Variants in STK33 observed in about 807,000 individuals in gnomAD.
The protein encoded by STK33 is serine/threonine-protein kinase 33.
A neutral mutation model predicts 58.0 loss-of-function variants in STK33; 52 were observed. The observed-to-expected ratio is 0.90, with a 90% CI of 0.72 to 1.13. STK33 has a LOEUF of 1.13. Among genes scored for constraint, STK33 ranks in the 50% most tolerant of loss-of-function variants. STK33 has a pLI of 0.00. For missense variants in STK33, 630 were observed against 604.2 expected (o/e 1.04, Z -0.45); for synonymous variants, 215 against 200.1 (o/e 1.07, Z -0.63).
chr11:8,466,890 C>T (rs967832368), intron 6 of STK33: 4 of 152,378 alleles, frequency 2.6e-5, no homozygotes, highest in African/African-American at 9.6e-5. Context: ...TCTGTGCACT[C>T]GCAGACTCAA....
chr11:8,402,615 T>A (rs1158535633), intron 15 of STK33, among the ~76,000 whole-genome samples: 1 of 144,496 alleles, frequency 6.9e-6, no homozygotes, highest in African/African-American at 2.7e-5. Context: ...TAAATTATAA[T>A]AATAAAAAAA....
chr11:8,414,809 T>C (rs1940879656), intron 14 of STK33, among the ~76,000 whole-genome samples: 1 of 152,180 alleles, frequency 6.6e-6, no homozygotes, highest in Non-Finnish European at 1.5e-5. Flanking sequence ...GTTTGTCCCT[T>C]ACCTACTTAC....
chr11:8,354,472 C>CCACACA, the STK33 span, among the ~76,000 whole-genome samples: 112 of 56,056 alleles, frequency 2.0e-3, 1 homozygote, highest in African/African-American at 6.8e-3. Context: ...GTCTGCAAAA[C>CCACACA]CTCACACACA....
chr11:8,361,277 G>A, the STK33 span, among the ~76,000 whole-genome samples: 2 of 152,208 alleles, frequency 1.3e-5, no homozygotes, highest in Middle Eastern at 3.4e-3. This position sits in a 1 kb window ranked among gnomAD's most constrained non-coding sequence, Gnocchi z 4.8. Context: ...GATGGTCCGG[G>A]ACAACCACCC....
At chr11:8,508,527 CT>C (rs1565222592) in intron 1 of STK33, among the ~76,000 whole-genome samples, 2 of 152,094 alleles carry the variant, frequency 1.3e-5, no homozygotes, top group African/African-American at 4.8e-5. Context: ...CCACCTTGGC[CT>C]CCCAAAGCAT....
At chr11:8,445,168 G>A (rs1032715260) in intron 11 of STK33, among the ~76,000 whole-genome samples, 3 of 152,010 alleles carry the variant, frequency 2.0e-5, no homozygotes, top group South Asian at 4.2e-4. Flanking sequence ...GAGTTCCCTC[G>A]ATTTGGCTCT....
intron 1 of STK33, among the ~76,000 whole-genome samples, chr11:8,526,969 CTCTT>C (rs1418843756): frequency 3.8e-5 from 5 of 130,692 alleles, no homozygotes; most frequent in African/African-American, 1.2e-4. Context: ...CAGAGATTTC[CTCTT>C]TTTTTTTTTT....
At chr11:8,396,606 C>T (rs945054055) in intron 15 of STK33, among the ~76,000 whole-genome samples, 14 of 152,168 alleles carry the variant, frequency 9.2e-5, no homozygotes, top group Non-Finnish European at 8.8e-5. Flanking sequence ...GTTCATCTCA[C>T]TGGGGAGTGT....
Position 8,565,267 on chromosome 11 carries a change from A to C in STK33, c.-466+28816T>G, listed in dbSNP as rs1234542126. On this transcript the variant is annotated intron_variant, in intron 1 of 15. Transcript: ENST00000687296. Reference sequence around the variant, plus strand: ...ACCATGATTTATAGTCAAAGGTTAAAAAACTTCACATTTTTAACAAAAATA... The same window carrying C: ...ACCATGATTTATAGTCAAAGGTTAACAAACTTCACATTTTTAACAAAAATA... Among the ~76,000 whole-genome samples the C allele has an allele frequency of 2.6e-5, 4 of 152,240 alleles. No homozygotes were observed. In the East Asian group the frequency reaches 7.7e-4, roughly 29 times the overall value.
intron 1 of STK33, among the ~76,000 whole-genome samples, chr11:8,544,352 T>C (rs117012527): frequency 0.052 from 7,711 of 147,738 alleles, 264 homozygotes; most frequent in Non-Finnish European, 0.071. Flanking sequence ...TATATATAAT[T>C]ATATATATGT....
At chr11:8,390,808 T>C (rs1003164496), downstream of STK33, among the ~76,000 whole-genome samples, 1 of 152,250 alleles carries the variant, frequency 6.6e-6, no homozygotes, top group African/African-American at 2.4e-5. Context: ...TCAAGCTTAC[T>C]GAGCAGAATC....
intron 1 of STK33, among the ~76,000 whole-genome samples, chr11:8,572,074 A>G (rs1459752714): frequency 6.6e-6 from 1 of 150,702 alleles, no homozygotes; most frequent in South Asian, 2.1e-4. Flanking sequence ...TTAAAAATTA[A>G]TTTTAAAAAA....
intron 1 of STK33, among the ~76,000 whole-genome samples, chr11:8,552,518 A>C (rs1254565407): frequency 6.6e-6 from 1 of 152,108 alleles, no homozygotes; most frequent in East Asian, 1.9e-4. Context: ...AGCTTTACAA[A>C]AATATTTTAT....
chr11:8,351,172 C>T, the STK33 span, among the ~76,000 whole-genome samples: 1 of 152,140 alleles, frequency 6.6e-6, no homozygotes, highest in Non-Finnish European at 1.5e-5. Flanking sequence ...AACCAAACGC[C>T]AATTCTATTC....
In STK33 at chr11:8,462,023, T is replaced by C. The variant is rs1591266745; in HGVS notation, c.454-114A>G. 5 of 668,634 alleles carry C rather than the reference T, an allele frequency of 7.5e-6. No homozygotes were observed. In the South Asian group the frequency reaches 1.4e-4, roughly 19 times the overall value. The allele number at this position is 668,634 out of a possible 1,614,324, so 41.4% of individuals were successfully genotyped here. A position where few individuals can be genotyped will look rare whatever the true frequency, so the allele number is the denominator to read the frequency against. The stretch of plus-strand genomic sequence containing the variant: ...TTTTCCTGTAACTTCATATTTGAAG[T>C]GAATTCATACATTTTTTGAGATGTT... On this transcript the variant is annotated intron_variant, in intron 7 of 15. Transcript: ENST00000687296.
chr11:8,357,238 AGC>A, the STK33 span, among the ~76,000 whole-genome samples: 3 of 152,172 alleles, frequency 2.0e-5, no homozygotes, highest in Admixed American at 2.0e-4. Context: ...CCTAATTAGC[AGC>A]GCGCGGCGCG....
chr11:8,502,050 G>A (rs752554542), intron 1 of STK33, among the ~76,000 whole-genome samples: 71 of 140,612 alleles, frequency 5.0e-4, no homozygotes, highest in Non-Finnish European at 1.0e-3. Flanking sequence ...TAGGTATGAG[G>A]TTTCTTCGTG....
intron 14 of STK33, among the ~76,000 whole-genome samples, chr11:8,414,598 T>C (rs1940841330): frequency 6.6e-6 from 1 of 152,146 alleles, no homozygotes; most frequent in Non-Finnish European, 1.5e-5. Context: ...CCCATCTGAA[T>C]ACACTGTTGA....
intron 11 of STK33, 36 bp from the exon 12 acceptor site, chr11:8,440,789 T>A: frequency 6.5e-7 from 1 of 1,529,856 alleles, no homozygotes; most frequent in Non-Finnish European, 8.8e-7. Flanking sequence ...ACATTAATAA[T>A]ACAATAAATG....
Sources: gnomAD v4.1 joint callset for allele counts (sites outside exome capture counted in the v4.1 genomes callset) on GRCh38, gnomAD v4.1.1 for gene constraint, Gnocchi (gnomAD v3.1) non-coding constraint, MANE v1.5 for transcripts, NCBI Gene and HGNC (gene_info 2026-07-23, HGNC 2026-07-21) for gene names.